The following POLD1 variants were observed in gnomAD, a reference collection of about 807,000 sequenced individuals.
POLD1 encodes DNA polymerase delta catalytic subunit.
In POLD1, 79 loss-of-function variants were observed where a neutral mutation model predicts 129.7. That is an observed-to-expected ratio of 0.61 (90% CI 0.51 to 0.73). The LOEUF (loss-of-function observed/expected upper bound fraction) is 0.73. POLD1 is among the 30% of genes least tolerant of loss of function. POLD1 has a pLI of 0.00. For missense variants in POLD1, 1,338 were observed against 1,595.8 expected, an observed-to-expected ratio of 0.84 and a Z score of 2.75; for synonymous variants, 714 against 683.3, an observed-to-expected ratio of 1.04 and a Z score of -0.70.
rs774283364 is a variant in POLD1 at position 50,402,057 on chromosome 19, G to C, written c.522G>C (p.Arg174=). ...GGGAGCTGAACTTGGCCATCAGCCG[G>C]GACAGTCGCGGGGGGAGGGAGCTGA... is the stretch of plus-strand genomic sequence containing the variant. The part of the protein sequence containing the change: ...LQRELNLAIS[R]DSRGGRELTG... The change falls in exon 5 of 27, where the codon CGG becomes CGC. Residue 174 remains arginine (R), a synonymous_variant. Coordinates refer to ENST00000440232, the MANE Select transcript of POLD1 (RefSeq NM_002691.4). 6 of 1,613,948 alleles carry C rather than the reference G, an allele frequency of 3.7e-6. No homozygotes were observed. The highest frequency in any genetic ancestry group is 1.1e-5 in the South Asian group (1 of 91,082).
Position 50,401,840 on chromosome 19 carries a change from G to A in POLD1, c.379G>A (p.Ala127Thr), listed in dbSNP as rs372299975. The A allele has an allele frequency of 9.3e-6, 15 of 1,613,732 alleles. No individual in the cohort carries two copies. The highest frequency in any genetic ancestry group is 1.6e-4 in the Middle Eastern group (1 of 6,084). ...PSRGSVPVLR[A>T]FGVTDEGFSV... ...CCGCGGCTCCGTGCCTGTGCTCCGC[G>A]CCTTCGGGGTCACCGATGAGGGGTT... The change falls in exon 4 of 27, where the codon GCC becomes ACC. Residue 127 changes from alanine (A) to threonine (T), a missense_variant. Physicochemically the swap from Ala to Thr is moderately conservative, Grantham distance 58. Transcript: ENST00000440232.
In POLD1 at chr19:50,402,273, G is replaced by T. The variant is rs749052483; in HGVS notation, c.658G>T (p.Val220Leu). The change falls in exon 6 of 27, where the codon GTG (valine) becomes TTG (leucine). Residue 220 changes from valine to leucine, a missense_variant. This residue lies in a region of POLD1 where 332 missense variants were observed against 315.7 expected (regional missense o/e 1.05). Transcript: ENST00000440232. ...CATCACCGTGGCGCTGCCGCGCCTC[G>T]TGGCCCCGGCCCGCCGTCTCCTGGA... ...LRITVALPRL[V>L]APARRLLEQG... 3.7e-6 allele frequency: 6 copies of T among 1,606,130 alleles called. No homozygotes were observed. The Admixed American group carries it at 5.1e-5, about 14-fold the overall frequency.
chr19:50,389,031 C>T (rs540263127), intron 1 of POLD1, among the ~76,000 whole-genome samples: 127 of 151,868 alleles, frequency 8.4e-4, no homozygotes, highest in African/African-American at 2.8e-3. Context: ...TGGGGTTTCA[C>T]CATCTTTGCC....
At chr19:50,396,077 G>T (rs1336207247) in intron 1 of POLD1, among the ~76,000 whole-genome samples, 53 of 144,522 alleles carry the variant, frequency 3.7e-4, no homozygotes, top group African/African-American at 9.1e-4. Flanking sequence ...GTTGTTGTTG[G>T]TGGTGGTTTT....
intron 1 of POLD1, among the ~76,000 whole-genome samples, chr19:50,390,478 A>T (rs1376923684): frequency 1.3e-5 from 2 of 152,004 alleles, no homozygotes; most frequent in African/African-American, 2.4e-5. Flanking sequence ...TGTTTCTAGG[A>T]GGGACTGGAA....
rs753609023 is a variant in POLD1 at position 50,414,884 on chromosome 19, G to A, written c.2458G>A (p.Ala820Thr). 17 of 1,607,070 alleles carry A rather than the reference G, an allele frequency of 1.1e-5. No individual in the cohort carries two copies. Among genetic ancestry groups the A allele is most frequent in the Admixed American group, 1.0e-4 (6 of 59,476 alleles). Residue 820 changes from alanine (A) to threonine (T), a missense_variant, in exon 20 of 27, where the codon GCC (alanine) becomes ACC (threonine). By Grantham distance (58) the Ala-to-Thr change is moderately conservative. Around this residue, in one of 3 missense-constraint regions of POLD1, gnomAD observed 720 missense variants for 1,002.6 expected, o/e 0.72. Coordinates refer to ENST00000440232, the MANE Select transcript of POLD1 (RefSeq NM_002691.4). ...AGLLFSSRPD[A>T]HDRMDCKGLE... ...CCTGCTCTTCTCCTCCCGGCCCGACGCCCACGACCGCATGGACTGCAAGGG... is the reference window on the plus strand; with the variant it reads ...CCTGCTCTTCTCCTCCCGGCCCGACACCCACGACCGCATGGACTGCAAGGG...
At chr19:50,401,124 C>T (rs1036156998) in intron 3 of POLD1, among the ~76,000 whole-genome samples, 3 of 151,274 alleles carry the variant, frequency 2.0e-5, no homozygotes, top group South Asian at 2.1e-4. Flanking sequence ...CCCGTCTCTA[C>T]TAAAAATTCA....
In POLD1 at chr19:50,399,370, G is replaced by C. The variant is rs1555789205; in HGVS notation, c.203-1G>C. The C allele has an allele frequency of 6.2e-7, 1 of 1,611,598 alleles. No individual in the cohort carries two copies. The highest frequency in any genetic ancestry group is 8.5e-7 in the Non-Finnish European group (1 of 1,177,736). On this transcript the variant is annotated splice_acceptor_variant, in intron 2 of 26. Coordinates refer to ENST00000440232, the MANE Select transcript of POLD1 (RefSeq NM_002691.4). LOFTEE classifies it high-confidence loss of function. ...TCCACTTCCTTCCCTTCCCCCACCA[G>C]GGCAGGTCCCACCATCAGCCATAGA... is the stretch of plus-strand genomic sequence containing the variant.
At chr19:50,416,882 G>GC (rs2039318454) in intron 24 of POLD1, 159 bp downstream of exon 24, 4 of 988,480 alleles carry the variant, frequency 4.0e-6, no homozygotes, top group Non-Finnish European at 5.8e-6. Flanking sequence ...AGGGTCCTCG[G>GC]CCCCCACCCC....
chr19:50,415,678 C>A, intron 21 of POLD1, 46 bp from the exon 22 acceptor site: 1 of 1,452,324 alleles, frequency 6.9e-7, no homozygotes, highest in Non-Finnish European at 9.3e-7. Flanking sequence ...CCCCCACCCC[C>A]GCCACCCACC....
In POLD1 at chr19:50,388,990, A is replaced by G. The variant is rs554930540; in HGVS notation, c.-2+4600A>G. 4.6e-5 allele frequency among the ~76,000 whole-genome samples: 7 copies of G among 151,540 alleles called. No homozygotes were observed. The East Asian group carries it at 1.4e-3, about 29-fold the overall frequency. ...TGGGACTATAGGCGCGCACCACCACATCTGGCTAATTTTTGTATTTTTAGT... is the reference window on the plus strand; with the variant it reads ...TGGGACTATAGGCGCGCACCACCACGTCTGGCTAATTTTTGTATTTTTAGT... On this transcript the variant is annotated intron_variant, in intron 1 of 26. Coordinates refer to ENST00000440232, the MANE Select transcript of POLD1 (RefSeq NM_002691.4).
rs1178013440 is a variant in POLD1 at position 50,408,913 on chromosome 19, A to G, written c.1892+12A>G. 17 of 1,602,912 alleles carry G rather than the reference A, an allele frequency of 1.1e-5. No individual in the cohort carries two copies. Among genetic ancestry groups the G allele is most frequent in the Non-Finnish European group, 1.4e-5 (16 of 1,173,846 alleles). ...GCACAGAAACTGGGGTATAGTGCCC[A>G]ATTCAGCATGTGTCCCCCGAGGCCC... is the stretch of plus-strand genomic sequence containing the variant. On this transcript the variant is annotated intron_variant, in intron 15 of 26. Coordinates refer to ENST00000440232, the MANE Select transcript of POLD1 (RefSeq NM_002691.4).
intron 10 of POLD1, among the ~76,000 whole-genome samples, chr19:50,404,617 C>T (rs1483663297): frequency 5.0e-5 from 6 of 119,042 alleles, no homozygotes; most frequent in African/African-American, 1.6e-4. Context: ...CTCGCTGTGT[C>T]GCCCAGGCTG....
Position 50,401,792 on chromosome 19 carries a change from G to A in POLD1, c.331G>A (p.Val111Met), listed in dbSNP as rs2038642487. 6.2e-7 allele frequency: 1 copy of A among 1,612,770 alleles called. No homozygotes were observed. The part of the protein sequence containing the change: ...IDHYVGPAQP[V>M]PGGPPPSRGS... ...TGACCCCACAGGCCCAGCGCAGCCT[G>A]TGCCTGGGGGGCCCCCACCATCCCG... Residue 111 changes from valine (V) to methionine (M), a missense_variant, in exon 4 of 27, where the codon GTG (valine) becomes ATG (methionine). Val to Met is a conservative substitution (Grantham distance 21). Coordinates refer to ENST00000440232, the MANE Select transcript of POLD1 (RefSeq NM_002691.4).
chr19:50,416,771 G>T, intron 24 of POLD1, 48 bp downstream of exon 24: 1 of 1,380,716 alleles, frequency 7.2e-7, no homozygotes, highest in Non-Finnish European at 9.9e-7. Context: ...AACCTGCTCT[G>T]CCGTCACCCC....
chr19:50,416,485 C>G lies in POLD1; in HGVS notation c.2910C>G (p.Phe970Leu), dbSNP rs757740787. 5 of 1,551,864 alleles carry G rather than the reference C, an allele frequency of 3.2e-6. No individual in the cohort carries two copies. Among genetic ancestry groups the G allele is most frequent in the South Asian group, 1.2e-5 (1 of 84,238 alleles). The change falls in exon 23 of 27, where the codon TTC (phenylalanine) becomes TTG (leucine). Residue 970 changes from phenylalanine (F) to leucine (L), a missense_variant. Around this residue, in one of 3 missense-constraint regions of POLD1, gnomAD observed 286 missense variants for 277.5 expected, o/e 1.03. Transcript: ENST00000440232. Reference protein sequence around the residue: ...QQLAKPLLRIFEPILGEGRAE... With the variant: ...QQLAKPLLRILEPILGEGRAE... The stretch of plus-strand genomic sequence containing the variant: ...TGGCCAAGCCCCTCCTGCGCATCTT[C>G]GAGCCCATCCTGGGCGAGGGCCGTG...
At chr19:50,386,785 A>G (rs1267472930) in intron 1 of POLD1, among the ~76,000 whole-genome samples, 1 of 152,204 alleles carries the variant, frequency 6.6e-6, no homozygotes, top group Non-Finnish European at 1.5e-5. Context: ...TAAGGGAGGA[A>G]GACACACACC....
At chr19:50,391,050 C>G (rs1401758903) in intron 1 of POLD1, among the ~76,000 whole-genome samples, 1 of 151,184 alleles carries the variant, frequency 6.6e-6, no homozygotes, top group Non-Finnish European at 1.5e-5. Flanking sequence ...AAACCGCCAT[C>G]GTCATCATGG....
Position 50,402,459 on chromosome 19 carries a change from T to C in POLD1, c.764T>C (p.Met255Thr). The change falls in exon 7 of 27, where the codon ATG (methionine) becomes ACG (threonine). Residue 255 changes from methionine to threonine, a missense_variant. Around this residue, in one of 3 missense-constraint regions of POLD1, gnomAD observed 720 missense variants for 1,002.6 expected, o/e 0.72. Transcript: ENST00000440232. Reference protein sequence around the residue: ...EANVDFEIRFMVDTDIVGCNW... With the variant: ...EANVDFEIRFTVDTDIVGCNW... ...TGACCCCCAGCCCCCTCCAGGTTCA[T>C]GGTGGACACGGACATCGTCGGCTGC... The C allele has an allele frequency of 6.2e-7, 1 of 1,612,960 alleles. No individual in the cohort carries two copies. The highest frequency in any genetic ancestry group is 1.3e-5 in the African/African-American group (1 of 75,054).
Sources: gnomAD v4.1 joint callset for allele counts (sites outside exome capture counted in the v4.1 genomes callset) on GRCh38, gnomAD v4.1.1 for gene constraint, gnomAD v4.1.1 regional missense constraint, MANE v1.5 for transcripts, NCBI Gene and HGNC (gene_info 2026-07-23, HGNC 2026-07-21) for gene names.